Variants in GXYLT2 observed in about 807,000 individuals in gnomAD.
The protein encoded by GXYLT2 is glucoside xylosyltransferase 2.
A neutral mutation model predicts 45.8 loss-of-function variants in GXYLT2; 53 were observed. The ratio of observed to expected loss-of-function variants is 1.16; its 90% confidence interval spans 0.93 to 1.46. The LOEUF (loss-of-function observed/expected upper bound fraction) is 1.46, where lower values mean the gene tolerates loss of function less well. Ranked by LOEUF, GXYLT2 falls within the 40% of genes most tolerant of loss-of-function variation. The pLI, the probability that GXYLT2 is intolerant of heterozygous loss-of-function variation, is 0.00. For missense variants in GXYLT2, 551 were observed against 544.4 expected (o/e 1.01, Z -0.12); for synonymous variants, 219 against 214.2 (o/e 1.02, Z -0.19).
intron 1 of GXYLT2, among the ~76,000 whole-genome samples, chr3:72,902,775 G>T (rs989378710): frequency 3.3e-5 from 5 of 151,810 alleles, no homozygotes; most frequent in African/African-American, 9.7e-5. Flanking sequence ...AGCACTTTGG[G>T]AGGCCAAGGC....
chr3:72,892,183 A>G (rs1709195588), intron 1 of GXYLT2, among the ~76,000 whole-genome samples: 1 of 152,220 alleles, frequency 6.6e-6, no homozygotes, highest in Non-Finnish European at 1.5e-5. Flanking sequence ...CAGACATTTG[A>G]TGATCCTATG....
chr3:72,966,248 G>A (rs1479309492), intron 5 of GXYLT2, among the ~76,000 whole-genome samples: 2 of 151,098 alleles, frequency 1.3e-5, no homozygotes, highest in Non-Finnish European at 2.9e-5. Flanking sequence ...CAAAGTGCTG[G>A]GATTACAGGT....
At chr3:72,917,923 A>G (rs1255675313) in intron 2 of GXYLT2, among the ~76,000 whole-genome samples, 1 of 152,130 alleles carries the variant, frequency 6.6e-6, no homozygotes, top group East Asian at 1.9e-4. Flanking sequence ...TTTTCTTTTC[A>G]TATCACCATC....
At chr3:72,917,288 C>T (rs914478632) in intron 2 of GXYLT2, among the ~76,000 whole-genome samples, 11 of 151,920 alleles carry the variant, frequency 7.2e-5, no homozygotes, top group Admixed American at 3.3e-4. Flanking sequence ...GGCTGTTGTG[C>T]GGTGGTACAA....
intron 3 of GXYLT2, among the ~76,000 whole-genome samples, chr3:72,933,803 G>A (rs1400383234): frequency 1.3e-5 from 2 of 152,072 alleles, no homozygotes; most frequent in Non-Finnish European, 2.9e-5. Flanking sequence ...TGGGGGGGCC[G>A]AGCTTGGAGG....
chr3:72,898,454 A>G (rs752868319), intron 1 of GXYLT2, among the ~76,000 whole-genome samples: 1 of 152,238 alleles, frequency 6.6e-6, no homozygotes, highest in Admixed American at 6.5e-5. Flanking sequence ...GGAGAAATAG[A>G]ATCTCCTATA....
chr3:72,898,825 G>A (rs769320602), intron 1 of GXYLT2, among the ~76,000 whole-genome samples: 4 of 151,840 alleles, frequency 2.6e-5, no homozygotes, highest in Admixed American at 6.6e-5. Context: ...TCCGCCTTCC[G>A]GGTTAAAGTG....
At chr3:72,899,415 T>C (rs546962588) in intron 1 of GXYLT2, among the ~76,000 whole-genome samples, 1 of 152,348 alleles carries the variant, frequency 6.6e-6, no homozygotes, top group East Asian at 1.9e-4. Flanking sequence ...ACACCATGAC[T>C]TCAAGGCAAA....
At chr3:72,969,818 C>G (rs1710950906) in intron 6 of GXYLT2, among the ~76,000 whole-genome samples, 1 of 146,226 alleles carries the variant, frequency 6.8e-6, no homozygotes, top group Non-Finnish European at 1.5e-5. Flanking sequence ...ATCGAATTCT[C>G]TAAGTTTCAT....
rs527459330 is a variant in GXYLT2 at position 72,925,887 on chromosome 3, A to T, written c.600+3552A>T. On this transcript the variant is annotated intron_variant, in intron 3 of 6. Coordinates refer to ENST00000389617, the MANE Select transcript of GXYLT2 (RefSeq NM_001080393.2). The stretch of plus-strand genomic sequence containing the variant: ...TGATAATGGAAACGAGCCCTCTTTA[A>T]AAATAATAAAGAGAGATTGTGGTTG... Among the ~76,000 whole-genome samples the T allele has an allele frequency of 9.8e-5, 15 of 152,346 alleles. No individual in the cohort carries two copies. The South Asian group carries it at 3.1e-3, about 32-fold the overall frequency.
intron 3 of GXYLT2, among the ~76,000 whole-genome samples, chr3:72,952,023 GAC>G (rs1710538339): frequency 7.1e-6 from 1 of 140,386 alleles, no homozygotes. Flanking sequence ...TTTTTTTTGA[GAC>G]AGAGTCTCAC....
In GXYLT2 at chr3:72,946,276, GAAAAAAAAAAAAA is replaced by G. The variant is rs57450041; in HGVS notation, c.601-8806_601-8794del. Among the ~76,000 whole-genome samples the G allele has an allele frequency of 1.7e-3, 100 of 59,488 alleles. 1 individual carries two copies. Among genetic ancestry groups the G allele is most frequent in the Middle Eastern group, 0.011 (1 of 88 alleles). 39.0% of individuals were successfully genotyped at this position (59,488 alleles called of 152,430 possible). A position where few individuals can be genotyped will look rare whatever the true frequency, so the allele number is the denominator to read the frequency against. On this transcript the variant is annotated intron_variant, in intron 3 of 6. Coordinates refer to ENST00000389617, the MANE Select transcript of GXYLT2 (RefSeq NM_001080393.2). ...TGGGTGACAGAGCAAGACCCTGTCT[GAAAAAAAAAAAAA>G]AAAAAAAAAAAAAAAGGATGTCATT...
In GXYLT2 at chr3:72,969,392, C is replaced by CAA. The variant is rs11376005; in HGVS notation, c.1149+1689_1149+1690dup. ...TGGGCAACAGAGCAAGACCCTGTCT[C>CAA]AAAAAAAAAAAAAAAAATTCACGAC... On this transcript the variant is annotated intron_variant, in intron 6 of 6. Transcript: ENST00000389617. Among the ~76,000 whole-genome samples the CAA allele has an allele frequency of 1.7e-3, 201 of 115,302 alleles. 3 individuals carry two copies. The East Asian group carries it at 0.02, about 12-fold the overall frequency. 75.6% of individuals were successfully genotyped at this position (115,302 alleles called of 152,430 possible).
At chr3:72,900,085 G>A (rs1360129487) in intron 1 of GXYLT2, among the ~76,000 whole-genome samples, 1 of 152,172 alleles carries the variant, frequency 6.6e-6, no homozygotes, top group Admixed American at 6.5e-5. Flanking sequence ...AGAAAAGAGG[G>A]TCTGAGTAGA....
intron 3 of GXYLT2, among the ~76,000 whole-genome samples, chr3:72,940,357 G>A (rs558666638): frequency 6.6e-6 from 1 of 152,164 alleles, no homozygotes; most frequent in South Asian, 2.1e-4. Flanking sequence ...ATGACAAAAA[G>A]CAAGTAAATT....
At chr3:72,908,172 G>T in intron 1 of GXYLT2, 195 bp from the exon 2 acceptor site, 1 of 553,828 alleles carries the variant, frequency 1.8e-6, no homozygotes, top group East Asian at 3.0e-5. Flanking sequence ...TCCTGCTATT[G>T]CCAGGATAAA....
In GXYLT2 at chr3:72,960,645, C is replaced by G. The variant is rs564389489; in HGVS notation, c.976+3293C>G. Among the ~76,000 whole-genome samples the G allele has an allele frequency of 1.4e-4, 22 of 152,302 alleles. No individual in the cohort carries two copies. In the South Asian group the frequency reaches 3.9e-3, roughly 27 times the overall value. On this transcript the variant is annotated intron_variant, in intron 5 of 6. Transcript: ENST00000389617. The stretch of plus-strand genomic sequence containing the variant: ...AACTCCCTGACTGTCCTTCGTACAG[C>G]CTGCATTTGATCTTCCTATTTCATA...
At chr3:72,908,774 A>G (rs1243951196) in intron 2 of GXYLT2, among the ~76,000 whole-genome samples, 2 of 152,128 alleles carry the variant, frequency 1.3e-5, no homozygotes, top group African/African-American at 2.4e-5. Flanking sequence ...GTCTCACTCT[A>G]TTGCCAAGGG....
chr3:72,897,164 G>C (rs1418913469), intron 1 of GXYLT2, among the ~76,000 whole-genome samples: 1 of 152,176 alleles, frequency 6.6e-6, no homozygotes, highest in African/African-American at 2.4e-5. Context: ...AACTCTTTCA[G>C]TTGCACGTGA....
Sources: allele counts gnomAD v4.1 joint callset (sites outside exome capture counted in the v4.1 genomes callset), GRCh38; gene constraint gnomAD v4.1.1; transcripts MANE v1.5; gene names NCBI Gene and HGNC (gene_info 2026-07-23, HGNC 2026-07-21).